The following CNTRL variants were observed in gnomAD, a reference collection of about 807,000 sequenced individuals.
The protein encoded by CNTRL is centriolin.
CNTRL carries 233 observed loss-of-function variants against 303.7 expected under a neutral mutation model. The ratio of observed to expected loss-of-function variants is 0.77; its 90% CI spans 0.69 to 0.86. The LOEUF is 0.86. CNTRL is among the 40% of genes least tolerant of loss of function. CNTRL has a pLI of 0.00. For missense variants in CNTRL, 2,524 were observed against 2,650.6 expected, an observed-to-expected ratio of 0.95 and a Z score of 1.05; for synonymous variants, 900 against 922.2, an observed-to-expected ratio of 0.98 and a Z score of 0.44.
intron 27 of CNTRL, among the ~76,000 whole-genome samples, chr9:121,155,323 CA>C (rs1452331203): frequency 6.6e-6 from 1 of 152,118 alleles, no homozygotes; most frequent in Non-Finnish European, 1.5e-5. Flanking sequence ...ATGGACCTCA[CA>C]AGTATTACTT....
intron 22 of CNTRL, 107 bp from the exon 23 acceptor site, chr9:121,146,001 T>G (rs2051829599): frequency 9.9e-7 from 1 of 1,009,382 alleles, no homozygotes; most frequent in African/African-American, 1.6e-5. Flanking sequence ...GAAAGTCAGC[T>G]TTGAGGAACT....
At chr9:121,106,692 G>C (rs1157898815) in intron 7 of CNTRL, among the ~76,000 whole-genome samples, 3 of 152,126 alleles carry the variant, frequency 2.0e-5, no homozygotes, top group African/African-American at 7.2e-5. Context: ...CTGTTCATTT[G>C]AAATTAGTTT....
intron 6 of CNTRL, among the ~76,000 whole-genome samples, chr9:121,097,748 A>G (rs1430629531): frequency 6.6e-6 from 1 of 152,190 alleles, no homozygotes; most frequent in African/African-American, 2.4e-5. Context: ...TCAGCTGTGC[A>G]ATAGGAAAAT....
At chr9:121,087,640 G>A (rs749757058) in intron 2 of CNTRL, among the ~76,000 whole-genome samples, 95 of 152,120 alleles carry the variant, frequency 6.2e-4, no homozygotes, top group Non-Finnish European at 1.1e-3. Context: ...GCAGTGAGCC[G>A]AGATCGCACC....
chr9:121,142,031 T>C, intron 18 of CNTRL, 60 bp from the exon 19 acceptor site: 1 of 1,388,264 alleles, frequency 7.2e-7, no homozygotes, highest in Non-Finnish European at 9.6e-7. Flanking sequence ...TAAAAAGTTT[T>C]TATTTTGCTT....
chr9:121,102,651 AT>A (rs1204666285), intron 7 of CNTRL, among the ~76,000 whole-genome samples: 8 of 152,176 alleles, frequency 5.3e-5, no homozygotes, highest in African/African-American at 1.7e-4. Context: ...AGAAAACCCC[AT>A]TGTCTCAGCC....
chr9:121,091,019 A>G (rs1211673445), intron 4 of CNTRL, among the ~76,000 whole-genome samples: 2 of 152,200 alleles, frequency 1.3e-5, no homozygotes, highest in Non-Finnish European at 2.9e-5. Flanking sequence ...AATAACCACC[A>G]GATCTTGTGA....
rs2053567963 is a variant in CNTRL, at chr9:121,177,358, C to T, written c.*172C>T. The T allele has an allele frequency of 8.4e-6, 5 of 596,376 alleles. No homozygotes were observed. Among genetic ancestry groups the T allele is most frequent in the African/African-American group, 1.9e-5 (1 of 52,802 alleles). 36.9% of individuals were successfully genotyped at this position (596,376 alleles called of 1,614,324 possible). A position where few individuals can be genotyped will look rare whatever the true frequency, so the allele number is the denominator to read the frequency against. ...TTAATGCCAATGTTTTTATAAATCA[C>T]TTGTACATAGTACATATGGGAATAG... is the stretch of plus-strand genomic sequence containing the variant. On this transcript the variant is annotated 3_prime_UTR_variant, in exon 44 of 44. Transcript: ENST00000373855.
At position 121,126,839 on chromosome 9, in the gene CNTRL, G is replaced by T. The variant is rs529733963; in HGVS notation, c.2025+903G>T. Among the ~76,000 whole-genome samples the T allele has an allele frequency of 6.9e-3, 841 of 122,676 alleles. 10 individuals are homozygous for T. The highest frequency in any genetic ancestry group is 0.022 in the African/African-American group (793 of 36,368). 80.5% of individuals were successfully genotyped at this position (122,676 alleles called of 152,430 possible). A position where few individuals can be genotyped will look rare whatever the true frequency, so the allele number is the denominator to read the frequency against. On this transcript the variant is annotated intron_variant, in intron 14 of 43. Coordinates refer to ENST00000373855, the MANE Select transcript of CNTRL (RefSeq NM_007018.6). ...TGTTTGTTTGTTTTGGTTTTTTTTT[G>T]AGATGAATTTTCGCTCTTGTTGCCC... is the stretch of plus-strand genomic sequence containing the variant.
intron 4 of CNTRL, among the ~76,000 whole-genome samples, chr9:121,091,258 C>A (rs2048557806): frequency 6.6e-6 from 1 of 152,114 alleles, no homozygotes; most frequent in South Asian, 2.1e-4. Context: ...CAACTTAATT[C>A]CTTTAATTGG....
At chr9:121,158,742 TG>T (rs2052708606) in intron 30 of CNTRL, 112 bp from the exon 31 acceptor site, 3 of 1,032,696 alleles carry the variant, frequency 2.9e-6, no homozygotes, top group Non-Finnish European at 4.3e-6. Flanking sequence ...TTCTGACTCT[TG>T]GGGGCTAGGA....
rs1462853246 is a variant in CNTRL, at chr9:121,092,731, A to G, written c.349-2157A>G. On this transcript the variant is annotated intron_variant, in intron 4 of 43. Coordinates refer to ENST00000373855, the MANE Select transcript of CNTRL (RefSeq NM_007018.6). ...ATATATAATATATATCTATATATAT[A>G]TAATATATATCTATATATAATATAT... 2.0e-4 allele frequency among the ~76,000 whole-genome samples: 7 copies of G among 34,892 alleles called. 1 individual carries two copies. Among genetic ancestry groups the G allele is most frequent in the African/African-American group, 6.5e-4 (7 of 10,828 alleles). 22.9% of individuals were successfully genotyped at this position (34,892 alleles called of 152,430 possible). A position where few individuals can be genotyped will look rare whatever the true frequency, so the allele number is the denominator to read the frequency against.
intron 27 of CNTRL, 46 bp downstream of exon 27, chr9:121,154,959 C>A: frequency 6.7e-7 from 1 of 1,484,862 alleles, no homozygotes; most frequent in South Asian, 1.1e-5. Flanking sequence ...GTGGGTGAGT[C>A]AGCTTACTGT....
Position 121,146,159 on chromosome 9 carries a change from G to C in CNTRL, c.3362G>C (p.Arg1121Pro), listed in dbSNP as rs139202415. The C allele has an allele frequency of 3.1e-6, 5 of 1,613,030 alleles. No homozygotes were observed. Among genetic ancestry groups the C allele is most frequent in the Non-Finnish European group, 4.2e-6 (5 of 1,179,606 alleles). The change falls in exon 23 of 44, where the codon CGT becomes CCT. Residue 1121 changes from arginine to proline, a missense_variant. Coordinates refer to ENST00000373855, the MANE Select transcript of CNTRL (RefSeq NM_007018.6). ...TTAGAAGAAATTGCTGAACTTCGACGTGAAGTTTCTTATCAGAATGATTAC... is the reference window on the plus strand; with the variant it reads ...TTAGAAGAAATTGCTGAACTTCGACCTGAAGTTTCTTATCAGAATGATTAC... Reference protein sequence around the residue: ...NVLEEIAELRREVSYQNDYIS... With the variant: ...NVLEEIAELRPEVSYQNDYIS...
Position 121,168,128 on chromosome 9 carries a change from T to C in CNTRL, c.5877T>C (p.Ser1959=), listed in dbSNP as rs1319449963. 1 of 1,613,504 alleles carries C rather than the reference T, an allele frequency of 6.2e-7. No individual in the cohort carries two copies. Among genetic ancestry groups the C allele is most frequent in the African/African-American group, 1.3e-5 (1 of 75,014 alleles). ...AGAGACTCCAGAAAGAGAGAGAAAG[T>C]GAAGAAAGCAAATTAGAAACCAGTA... The part of the protein sequence containing the change: ...MFQRLQKERE[S]EESKLETSKV... The change falls in exon 38 of 44, where the codon AGT becomes AGC. Residue 1959 remains serine, a synonymous_variant. Coordinates refer to ENST00000373855, the MANE Select transcript of CNTRL (RefSeq NM_007018.6).
intron 25 of CNTRL, among the ~76,000 whole-genome samples, chr9:121,151,384 C>CTTTT (rs200247383): frequency 0.17 from 14,494 of 86,824 alleles, 2,243 homozygotes; most frequent in South Asian, 0.38. Flanking sequence ...CTTTTTTCTT[C>CTTTT]TTCTTTTTTT....
rs549454811 is a variant in CNTRL, at chr9:121,177,051, A to G, written c.6955-112A>G. The stretch of plus-strand genomic sequence containing the variant: ...CTGGTTCATCTTAAAACATTTTTCC[A>G]AAGAGGTACTCAAATATGTCATTTA... On this transcript the variant is annotated intron_variant, in intron 43 of 43. Transcript: ENST00000373855. 772 of 803,458 alleles carry G rather than the reference A, an allele frequency of 9.6e-4. 1 individual carries two copies. The highest frequency in any genetic ancestry group is 2.2e-3 in the South Asian group (136 of 62,232). The allele number at this position is 803,458 out of a possible 1,614,324, so 49.8% of individuals were successfully genotyped here. A position where few individuals can be genotyped will look rare whatever the true frequency, so the allele number is the denominator to read the frequency against.
chr9:121,171,774 T>C (rs2053314675), intron 40 of CNTRL, among the ~76,000 whole-genome samples: 1 of 152,146 alleles, frequency 6.6e-6, no homozygotes, highest in Non-Finnish European at 1.5e-5. Context: ...AAATGTTAGT[T>C]TTTCAAGGAA....
intron 14 of CNTRL, 85 bp from the exon 15 acceptor site, chr9:121,135,721 C>T (rs1355908276): frequency 7.8e-7 from 1 of 1,288,158 alleles, no homozygotes; most frequent in Non-Finnish European, 1.0e-6. Context: ...ATTTGGTTTA[C>T]AGTGCTCAAG....
Sources: allele counts gnomAD v4.1 joint callset (sites outside exome capture counted in the v4.1 genomes callset), GRCh38; gene constraint gnomAD v4.1.1; transcripts MANE v1.5; gene names NCBI Gene and HGNC (gene_info 2026-07-23, HGNC 2026-07-21).